DENND2B: variants seen among roughly 807,000 people sequenced by gnomAD.
The protein encoded by DENND2B is DENN domain-containing protein 2B.
In DENND2B, 32 loss-of-function variants were observed where a neutral mutation model predicts 116.0. The ratio of observed to expected loss-of-function variants is 0.28; its 90% CI spans 0.21 to 0.37. The LOEUF (loss-of-function observed/expected upper bound fraction) is 0.37. Among genes scored for constraint, DENND2B ranks in the 10% least tolerant of loss-of-function variants. The pLI, the probability that DENND2B is intolerant of heterozygous loss-of-function variation, is 1.00. For synonymous variants in DENND2B, 588 were observed against 583.9 expected (o/e 1.01, Z -0.10); for missense variants, 1,276 against 1,477.7 (o/e 0.86, Z 2.24).
In DENND2B at chr11:8,725,921, G is replaced by T. The variant is rs537396072; in HGVS notation, c.1477+152C>A. On this transcript the variant is annotated intron_variant, in intron 4 of 19. Coordinates refer to ENST00000313726, the MANE Select transcript of DENND2B (RefSeq NM_213618.2). The stretch of plus-strand genomic sequence containing the variant: ...ACAAAGCCACTCTGTCTAAGCTAAG[G>T]TGCTTCCCCTGATGTCCCATTCCAG... The T allele has an allele frequency of 1.3e-5, 14 of 1,103,850 alleles. No homozygotes were observed. In the African/African-American group the frequency reaches 2.0e-4, roughly 16 times the overall value. The allele number at this position is 1,103,850 out of a possible 1,614,324, so 68.4% of individuals were successfully genotyped here. A position where few individuals can be genotyped will look rare whatever the true frequency, so the allele number is the denominator to read the frequency against.
intron 2 of DENND2B, among the ~76,000 whole-genome samples, chr11:8,742,356 T>A (rs1028190954): frequency 1.3e-5 from 2 of 152,090 alleles, no homozygotes; most frequent in African/African-American, 2.4e-5. Context: ...TGGTTGGCAG[T>A]AGATGTCTGG....
chr11:8,824,377 G>A (rs2061889055), intron 4 of DENND2B, among the ~76,000 whole-genome samples: 1 of 151,936 alleles, frequency 6.6e-6, no homozygotes, highest in South Asian at 2.1e-4. Context: ...GTAGGCCTTG[G>A]TGCCTGTTCT....
intron 3 of DENND2B, among the ~76,000 whole-genome samples, chr11:8,846,213 G>A (rs1464442594): frequency 6.6e-6 from 1 of 152,184 alleles, no homozygotes; most frequent in Non-Finnish European, 1.5e-5. Flanking sequence ...CCTATGTCTG[G>A]GGAAAGGGAG....
chr11:8,907,610 T>C (rs1365957483), intron 1 of DENND2B, among the ~76,000 whole-genome samples: 1 of 152,222 alleles, frequency 6.6e-6, no homozygotes, highest in Non-Finnish European at 1.5e-5. Flanking sequence ...TTTCTAAATG[T>C]TAAATTCTGA....
At chr11:8,799,282 T>G (rs1359137672) in intron 1 of DENND2B, among the ~76,000 whole-genome samples, 1 of 152,176 alleles carries the variant, frequency 6.6e-6, no homozygotes, top group African/African-American at 2.4e-5. Context: ...CAGTGATGAC[T>G]CAAATGCAGA....
At chr11:8,885,303 G>A (rs553666225) in intron 1 of DENND2B, among the ~76,000 whole-genome samples, 2 of 152,258 alleles carry the variant, frequency 1.3e-5, no homozygotes, top group East Asian at 1.9e-4. Flanking sequence ...CCCCACCCAC[G>A]GCTGCCTATA....
chr11:8,793,597 A>G (rs1331654145), intron 1 of DENND2B, among the ~76,000 whole-genome samples: 1 of 152,186 alleles, frequency 6.6e-6, no homozygotes, highest in Non-Finnish European at 1.5e-5. Flanking sequence ...TTGTTTGTAC[A>G]TTTTGTTTAT....
intron 2 of DENND2B, among the ~76,000 whole-genome samples, chr11:8,732,823 C>A (rs1230952946): frequency 6.6e-6 from 1 of 152,240 alleles, no homozygotes; most frequent in African/African-American, 2.4e-5. Flanking sequence ...ACCCTAAGGC[C>A]GTGGCCCTCA....
chr11:8,776,347 C>T (rs2057731068), intron 1 of DENND2B: 64 of 413,032 alleles, frequency 1.5e-4, no homozygotes, highest in South Asian at 1.1e-3. Context: ...GGCCAAGGTC[C>T]CCTGAAGCTC....
In DENND2B at chr11:8,877,058, T is replaced by TGCTAA. The variant is rs1366896346; in HGVS notation, c.-156+3947_-156+3951dup. Among the ~76,000 whole-genome samples the TGCTAA allele has an allele frequency of 9.9e-5, 15 of 150,830 alleles. No individual in the cohort carries two copies. In the East Asian group the frequency reaches 2.7e-3, roughly 27 times the overall value. On this transcript the variant is annotated intron_variant, in intron 2 of 22. Transcript: ENST00000534127. ...GGATGGTCCCCTCACTCCTCTGTCT[T>TGCTAA]GCTAAGTCATCCTTCTTCCTTCTCT...
At chr11:8,748,859 C>T (rs546133743) in intron 2 of DENND2B, among the ~76,000 whole-genome samples, 13 of 152,154 alleles carry the variant, frequency 8.5e-5, no homozygotes, top group African/African-American at 3.1e-4. Flanking sequence ...TCAGCAGTCT[C>T]GAGTCTGCTT....
At chr11:8,815,322 C>T (rs79996533), upstream of DENND2B, among the ~76,000 whole-genome samples, 814 of 152,182 alleles carry the variant, frequency 5.3e-3, 4 homozygotes, top group African/African-American at 0.019. Context: ...ATTTTGAACA[C>T]TACAGTCTGG....
intron 1 of DENND2B, among the ~76,000 whole-genome samples, chr11:8,771,131 G>A (rs138550659): frequency 1.2e-4 from 18 of 152,286 alleles, no homozygotes; most frequent in Middle Eastern, 6.8e-3. Context: ...CATATCAAAT[G>A]AAATGTGCAA....
At chr11:8,744,413 C>T (rs1425400648) in intron 2 of DENND2B, among the ~76,000 whole-genome samples, 1 of 152,128 alleles carries the variant, frequency 6.6e-6, no homozygotes, top group Non-Finnish European at 1.5e-5. Flanking sequence ...GGATTACAGG[C>T]ATCAGCCACC....
chr11:8,713,298 A>G (rs925965257), intron 8 of DENND2B, among the ~76,000 whole-genome samples: 4 of 152,136 alleles, frequency 2.6e-5, no homozygotes, highest in African/African-American at 7.2e-5. Context: ...GGGCCTCCAG[A>G]GAAACAGTTT....
chr11:8,701,217 C>T (rs1395455544), intron 14 of DENND2B, among the ~76,000 whole-genome samples: 1 of 152,108 alleles, frequency 6.6e-6, no homozygotes, highest in Admixed American at 6.6e-5. Flanking sequence ...CAATTCCCAC[C>T]GTTGTCCTCT....
At chr11:8,773,773 C>A (rs189533016) in intron 1 of DENND2B, among the ~76,000 whole-genome samples, 1 of 152,178 alleles carries the variant, frequency 6.6e-6, no homozygotes, top group East Asian at 1.9e-4. Flanking sequence ...CCAATGAATT[C>A]TCATAAAATG....
intron 9 of DENND2B, among the ~76,000 whole-genome samples, chr11:8,711,558 G>A (rs757740348): frequency 6.6e-6 from 1 of 151,924 alleles, no homozygotes; most frequent in Non-Finnish European, 1.5e-5. Context: ...ATCTCAGAGC[G>A]GGGCTTAAAA....
At chr11:8,894,003 C>T (rs1265613578) in intron 1 of DENND2B, among the ~76,000 whole-genome samples, 1 of 152,122 alleles carries the variant, frequency 6.6e-6, no homozygotes, top group Non-Finnish European at 1.5e-5. Flanking sequence ...AACTATACTA[C>T]AAGGCTACAG....
Sources: gnomAD v4.1 joint callset for allele counts (sites outside exome capture counted in the v4.1 genomes callset) on GRCh38, gnomAD v4.1.1 for gene constraint, MANE v1.5 for transcripts, NCBI Gene and HGNC (gene_info 2026-07-23, HGNC 2026-07-21) for gene names.